The following CSMD3 variants were observed in gnomAD, a reference collection of about 807,000 sequenced individuals.
CSMD3 encodes the protein CUB and sushi domain-containing protein 3.
CSMD3 carries 177 observed loss-of-function variants against 435.2 expected under a neutral mutation model. The ratio of observed to expected loss-of-function variants is 0.41; its 90% CI spans 0.36 to 0.46. CSMD3 has a LOEUF of 0.46. Ranked by LOEUF, CSMD3 falls within the 20% of genes least tolerant of loss-of-function variation. The probability of loss-of-function intolerance (pLI) is 0.34; values close to 1 mark genes in which losing one functional copy is unlikely to be tolerated. For synonymous variants in CSMD3, 1,656 were observed against 1,520.5 expected (o/e 1.09, Z -2.07); for missense variants, 4,265 against 4,504.6 (o/e 0.95, Z 1.52).
intron 1 of CSMD3, among the ~76,000 whole-genome samples, chr8:113,341,654 A>G (rs912461748): frequency 4.6e-5 from 7 of 152,294 alleles, no homozygotes; most frequent in Admixed American, 3.3e-4. Context: ...GAAATAAAAA[A>G]TGTTCAAATT....
intron 12 of CSMD3, 101 bp downstream of exon 12, chr8:112,829,585 G>C (rs984970255): frequency 2.7e-6 from 2 of 736,172 alleles, no homozygotes; most frequent in African/African-American, 3.5e-5. Context: ...TGCATCTTCT[G>C]CTGGTAGTAG....
intron 5 of CSMD3, among the ~76,000 whole-genome samples, chr8:113,049,685 A>G (rs1011389424): frequency 6.6e-6 from 1 of 152,220 alleles, no homozygotes; most frequent in African/African-American, 2.4e-5. Context: ...ATTGTATGGA[A>G]GCTTTTTAAA....
At chr8:112,891,664 G>C (rs965793684) in intron 10 of CSMD3, among the ~76,000 whole-genome samples, 1 of 151,474 alleles carries the variant, frequency 6.6e-6, no homozygotes, top group Admixed American at 6.6e-5. Context: ...CAAAATGTCA[G>C]GTTGTATGAC....
At chr8:112,924,644 A>G (rs1223216380) in intron 9 of CSMD3, among the ~76,000 whole-genome samples, 1 of 151,402 alleles carries the variant, frequency 6.6e-6, no homozygotes. Context: ...ATAATAAATA[A>G]CTGTTTTGCT....
At chr8:112,827,077 T>C (rs887002972) in intron 12 of CSMD3, among the ~76,000 whole-genome samples, 1 of 149,002 alleles carries the variant, frequency 6.7e-6, no homozygotes, top group African/African-American at 2.5e-5. Context: ...CCAACAAATG[T>C]ACTCTTTTTA....
intron 5 of CSMD3, among the ~76,000 whole-genome samples, chr8:113,042,211 T>C (rs2087651658): frequency 6.6e-6 from 1 of 152,288 alleles, no homozygotes; most frequent in Admixed American, 6.5e-5. Context: ...AGCTTGTCAC[T>C]GGGGTTATAT....
intron 52 of CSMD3, among the ~76,000 whole-genome samples, chr8:112,302,791 CT>C (rs1294662506): frequency 8.6e-5 from 13 of 151,674 alleles, no homozygotes; most frequent in Non-Finnish European, 1.6e-4. Flanking sequence ...TTAAAATGTA[CT>C]GATGATTTTG....
chr8:112,581,541 G>C (rs1178059984), intron 23 of CSMD3, among the ~76,000 whole-genome samples: 1 of 151,892 alleles, frequency 6.6e-6, no homozygotes, highest in Non-Finnish European at 1.5e-5. Context: ...AATAACAATT[G>C]AACTTAATTA....
chr8:113,343,443 A>G (rs1363476551), intron 1 of CSMD3, among the ~76,000 whole-genome samples: 1 of 152,214 alleles, frequency 6.6e-6, no homozygotes, highest in Non-Finnish European at 1.5e-5. Flanking sequence ...CACAGAGAAA[A>G]AAATATGTGA....
intron 23 of CSMD3, among the ~76,000 whole-genome samples, chr8:112,577,788 C>T (rs1477810612): frequency 1.3e-5 from 2 of 152,018 alleles, no homozygotes; most frequent in East Asian, 3.9e-4. Flanking sequence ...CGTATTACAA[C>T]AAACTACTTA....
rs1563804881 is a variant in CSMD3, at chr8:112,335,453, T to C, written c.7041A>G (p.Ser2347=). 6.2e-7 allele frequency: 1 copy of C among 1,614,010 alleles called. No homozygotes were observed. The highest frequency in any genetic ancestry group is 8.5e-7 in the Non-Finnish European group (1 of 1,179,950). The change falls in exon 45 of 71, where the codon TCA becomes TCG. Residue 2347 remains serine, a synonymous_variant. Coordinates refer to ENST00000297405, the MANE Select transcript of CSMD3 (RefSeq NM_198123.2). ...ITVWDGPDQN[S]PQIGQFSGNT... ...TGCCACTGAACTGACCGATCTGAGG[T>C]GAATTTTGGTCTGGTCCATCCCTAT...
intron 3 of CSMD3, among the ~76,000 whole-genome samples, chr8:113,251,685 A>G (rs1404581828): frequency 6.6e-6 from 1 of 152,018 alleles, no homozygotes; most frequent in Non-Finnish European, 1.5e-5. Context: ...TTGCTAGGAT[A>G]TATTGGGAGC....
chr8:112,697,836 G>A (rs973862225), intron 13 of CSMD3, among the ~76,000 whole-genome samples: 2 of 152,060 alleles, frequency 1.3e-5, no homozygotes, highest in African/African-American at 4.8e-5. Flanking sequence ...GGATTTGGAG[G>A]TTGGAAAAGA....
At chr8:112,796,176 T>G (rs193024300) in intron 13 of CSMD3, among the ~76,000 whole-genome samples, 63 of 152,216 alleles carry the variant, frequency 4.1e-4, no homozygotes, top group Non-Finnish European at 7.6e-4. Flanking sequence ...CAAAATCACT[T>G]AGGATATAAT....
At chr8:113,368,210 C>T (rs1161061390) in intron 1 of CSMD3, among the ~76,000 whole-genome samples, 1 of 152,148 alleles carries the variant, frequency 6.6e-6, no homozygotes, top group African/African-American at 2.4e-5. Context: ...TTGACTAATA[C>T]TAACTCACCT....
intron 6 of CSMD3, among the ~76,000 whole-genome samples, chr8:113,018,248 A>G (rs1054360163): frequency 1.3e-5 from 2 of 152,070 alleles, no homozygotes; most frequent in Admixed American, 1.3e-4. Flanking sequence ...TGTATTCCAA[A>G]GAACAATATA....
At chr8:112,444,350 C>A (rs983237835) in intron 32 of CSMD3, among the ~76,000 whole-genome samples, 2 of 152,090 alleles carry the variant, frequency 1.3e-5, no homozygotes, top group Non-Finnish European at 2.9e-5. Context: ...CAATTTCATT[C>A]GTAGGTATTG....
At chr8:113,050,615 A>G (rs1171638767) in intron 5 of CSMD3, among the ~76,000 whole-genome samples, 1 of 152,114 alleles carries the variant, frequency 6.6e-6, no homozygotes, top group Non-Finnish European at 1.5e-5. Context: ...ACAGAAAATT[A>G]AAGAAAAAAC....
intron 11 of CSMD3, among the ~76,000 whole-genome samples, chr8:112,835,011 TTTCCA>T (rs2079980405): frequency 6.6e-6 from 1 of 151,898 alleles, no homozygotes. Flanking sequence ...ACTCTCTTGA[TTTCCA>T]TTGTGAAATG....
Sources: gnomAD v4.1 joint callset for allele counts (sites outside exome capture counted in the v4.1 genomes callset) on GRCh38, gnomAD v4.1.1 for gene constraint, MANE v1.5 for transcripts, NCBI Gene and HGNC (gene_info 2026-07-23, HGNC 2026-07-21) for gene names.